PRR13: variants seen among roughly 807,000 people sequenced by gnomAD.
PRR13 encodes the protein proline rich 13.
Under a neutral mutation model 11.5 loss-of-function variants are expected in PRR13, and 7 were observed. The ratio of observed to expected loss-of-function variants is 0.61; its 90% CI spans 0.34 to 1.14. The LOEUF (loss-of-function observed/expected upper bound fraction) is 1.14, where lower values mean the gene tolerates loss of function less well. PRR13 is among the 50% of genes most tolerant of loss of function. The pLI, the probability that PRR13 is intolerant of heterozygous loss-of-function variation, is 0.03. For missense variants in PRR13, 155 were observed against 194.4 expected (o/e 0.80, Z 1.21); for synonymous variants, 53 against 67.8 (o/e 0.78, Z 1.07).
chr12:53,443,679 T>C lies in PRR13; in HGVS notation c.308T>C (p.Val103Ala). The stretch of plus-strand genomic sequence containing the variant: ...GCTCCTGGCATGGTTGGACCAGCAG[T>C]GATAGTAGACAAGAAGATGCAGAAG... ...PLAPGMVGPA[V>A]IVDKKMQKKM... The change falls in exon 3 of 4, where the codon GTG becomes GCG. Residue 103 changes from valine to alanine, a missense_variant. Transcript: ENST00000429243. The C allele has an allele frequency of 1.2e-6, 2 of 1,614,062 alleles. No homozygotes were observed. Among genetic ancestry groups the C allele is most frequent in the Non-Finnish European group, 1.7e-6 (2 of 1,180,016 alleles).
chr12:53,443,890 G>C (rs930036263), intron 3 of PRR13, 117 bp downstream of exon 3: 8 of 1,196,642 alleles, frequency 6.7e-6, no homozygotes, highest in African/African-American at 6.2e-5. Flanking sequence ...CAATTGTGTC[G>C]CTCTGGTAGA....
intron 1 of PRR13, 35 bp from the exon 2 acceptor site, chr12:53,442,660 C>G: frequency 6.4e-7 from 1 of 1,559,582 alleles, no homozygotes; most frequent in Non-Finnish European, 8.8e-7. Flanking sequence ...TACCTCTAGA[C>G]CGTCATCTTT....
chr12:53,445,576 T>G (rs1290950305), intron 3 of PRR13, among the ~76,000 whole-genome samples: 1 of 152,218 alleles, frequency 6.6e-6, no homozygotes, highest in Non-Finnish European at 1.5e-5. Flanking sequence ...CACATACAAC[T>G]GCTGTTTCTA....
At chr12:53,443,286 C>T (rs1314065683) in intron 2 of PRR13, 105 bp from the exon 3 acceptor site, 2 of 1,193,704 alleles carry the variant, frequency 1.7e-6, no homozygotes, top group African/African-American at 3.1e-5. Flanking sequence ...TGTCATCTTT[C>T]CGTTTCCCTT....
chr12:53,442,586 G>T (rs905447930), intron 1 of PRR13, 109 bp from the exon 2 acceptor site: 2 of 925,514 alleles, frequency 2.2e-6, no homozygotes, highest in East Asian at 2.5e-5. Flanking sequence ...TAGTTCTCCA[G>T]GTAGGAGAGC....
intron 3 of PRR13, chr12:53,444,039 C>T (rs925550438): frequency 7.9e-6 from 4 of 508,180 alleles, no homozygotes; most frequent in African/African-American, 3.8e-5. Context: ...ATCTTTTCTG[C>T]CCTACTCTCC....
At chr12:53,443,923 A>G (rs1235150350) in intron 3 of PRR13, 150 bp downstream of exon 3, 3 of 967,340 alleles carry the variant, frequency 3.1e-6, no homozygotes, top group Admixed American at 5.8e-5. Flanking sequence ...TTTATAAAAG[A>G]TTGCTACTGG....
intron 1 of PRR13, 176 bp downstream of exon 1, chr12:53,441,968 C>A (rs1312408968): frequency 4.9e-6 from 3 of 616,694 alleles, no homozygotes; most frequent in African/African-American, 1.8e-5. Flanking sequence ...TACTTCGCCT[C>A]GAGGCGTATC....
rs1353954313 is a variant in PRR13 at position 53,441,760 on chromosome 12, G to A, written c.-53G>A. ...ACTAGGAAGAGCCGAGACTGCGAAGGAGAACGCAGCAAGCCCAGGCGGCGG... is the reference window on the plus strand; with the variant it reads ...ACTAGGAAGAGCCGAGACTGCGAAGAAGAACGCAGCAAGCCCAGGCGGCGG... On this transcript the variant is annotated 5_prime_UTR_variant, in exon 1 of 4. Coordinates refer to ENST00000429243, the MANE Select transcript of PRR13 (RefSeq NM_018457.4). 3 of 702,056 alleles carry A rather than the reference G, an allele frequency of 4.3e-6. No individual in the cohort carries two copies. The highest frequency in any genetic ancestry group is 2.0e-5 in the Admixed American group (1 of 49,960). The allele number at this position is 702,056 out of a possible 1,614,324, so 43.5% of individuals were successfully genotyped here.
chr12:53,443,142 C>T, intron 2 of PRR13: 2 of 431,192 alleles, frequency 4.6e-6, no homozygotes. Context: ...CAGGCGTGAG[C>T]CACCGCGCCT....
At chr12:53,444,098 C>T in intron 3 of PRR13, 1 of 442,268 alleles carries the variant, frequency 2.3e-6, no homozygotes, top group East Asian at 3.3e-5. Context: ...GCAAGTTGGA[C>T]ACGCCCACTG....
At chr12:53,445,589 G>C (rs917018876) in intron 3 of PRR13, among the ~76,000 whole-genome samples, 12 of 152,118 alleles carry the variant, frequency 7.9e-5, no homozygotes, top group African/African-American at 2.9e-4. Flanking sequence ...TGTTTCTACT[G>C]TCTTTTCTTA....
At chr12:53,442,824 C>A (rs930341525) in intron 2 of PRR13, 91 bp downstream of exon 2, 2 of 1,370,092 alleles carry the variant, frequency 1.5e-6, no homozygotes, top group African/African-American at 2.9e-5. Context: ...CTACCCCCGA[C>A]CTGCTGTACC....
chr12:53,444,072 C>T (rs1186501409), intron 3 of PRR13: 8 of 460,484 alleles, frequency 1.7e-5, no homozygotes, highest in Non-Finnish European at 3.1e-5. Flanking sequence ...TCCCCTCCCG[C>T]CAGGTGCATA....
In PRR13 at chr12:53,443,746, G is replaced by T; in HGVS notation, c.375G>T (p.Lys125Asn). The T allele has an allele frequency of 6.2e-7, 1 of 1,609,378 alleles. No individual in the cohort carries two copies. Among genetic ancestry groups the T allele is most frequent in the Non-Finnish European group, 8.5e-7 (1 of 1,177,758 alleles). ...ATAAAAAGATGCACAAGCACCAAAA[G>T]CACCACAAGTACCACAAGCATGGCA... ...KAHKKMHKHQ[K>N]HHKYHKHGKH... Residue 125 changes from lysine to asparagine, a missense_variant, in exon 3 of 4, where the codon AAG (lysine) becomes AAT (asparagine). Lys to Asn is a moderately conservative substitution (Grantham distance 94). Transcript: ENST00000429243.
chr12:53,445,675 C>G (rs1220151067), intron 3 of PRR13, among the ~76,000 whole-genome samples: 4 of 152,222 alleles, frequency 2.6e-5, no homozygotes, highest in African/African-American at 9.6e-5. Flanking sequence ...AAGGTAACAG[C>G]TGTTTCCTAG....
At chr12:53,445,222 T>C (rs536305559) in intron 3 of PRR13, among the ~76,000 whole-genome samples, 54 of 150,910 alleles carry the variant, frequency 3.6e-4, no homozygotes, top group Non-Finnish European at 6.8e-4. Flanking sequence ...GTGGTGCGTG[T>C]CTGTAATCCC....
At chr12:53,442,967 C>T in intron 2 of PRR13, 2 of 434,504 alleles carry the variant, frequency 4.6e-6, no homozygotes, top group Non-Finnish European at 8.1e-6. Context: ...AGCGATTCTC[C>T]TGTTTCAGCC....
At chr12:53,442,600 C>G in intron 1 of PRR13, 95 bp from the exon 2 acceptor site, 1 of 1,051,808 alleles carries the variant, frequency 9.5e-7, no homozygotes, top group Non-Finnish European at 1.5e-6. Flanking sequence ...GGAGAGCCTA[C>G]TGTGGGGTGG....
Sources: gnomAD v4.1 joint callset for allele counts (sites outside exome capture counted in the v4.1 genomes callset) on GRCh38, gnomAD v4.1.1 for gene constraint, MANE v1.5 for transcripts, NCBI Gene and HGNC (gene_info 2026-07-23, HGNC 2026-07-21) for gene names.